MFSD11: variants seen among roughly 807,000 people sequenced by gnomAD.
MFSD11 encodes major facilitator superfamily domain containing 11.
MFSD11 carries 36 observed loss-of-function variants against 53.5 expected under a neutral mutation model. The ratio of observed to expected loss-of-function variants is 0.67; its 90% CI spans 0.52 to 0.89. The LOEUF (loss-of-function observed/expected upper bound fraction) is 0.89, where lower values mean the gene tolerates loss of function less well. Ranked by LOEUF, MFSD11 falls within the 40% of genes least tolerant of loss-of-function variation. MFSD11 has a pLI of 0.00. For missense variants in MFSD11, 530 were observed against 543.9 expected (o/e 0.97, Z 0.25); for synonymous variants, 186 against 184.9 (o/e 1.01, Z -0.05).
At position 76,776,561 on chromosome 17, in the gene MFSD11, A is replaced by T. The variant is rs745311134; in HGVS notation, c.1185+20A>T. 15 of 1,611,896 alleles carry T rather than the reference A, an allele frequency of 9.3e-6. No homozygotes were observed. The highest frequency in any genetic ancestry group is 2.7e-5 in the African/African-American group (2 of 74,758). On this transcript the variant is annotated intron_variant, in intron 12 of 12. Transcript: ENST00000685175. The surrounding 1 kb of genome is among the most constrained non-coding windows in gnomAD (Gnocchi z 4.2). ...GTTCAGGTAACCTCTTCAGATTGTGATTGTGTTTGACATAGGGCTCTTCCC... is the reference window on the plus strand; with the variant it reads ...GTTCAGGTAACCTCTTCAGATTGTGTTTGTGTTTGACATAGGGCTCTTCCC...
At chr17:76,773,111 T>C (rs1034943503) in intron 10 of MFSD11, 1 of 152,286 alleles carries the variant, frequency 6.6e-6, no homozygotes, top group Non-Finnish European at 1.5e-5. Flanking sequence ...TATGTACTGA[T>C]CAGTCCTCAG....
chr17:76,769,945 T>C, intron 10 of MFSD11, 74 bp downstream of exon 10: 1 of 1,370,770 alleles, frequency 7.3e-7, no homozygotes, highest in African/African-American at 1.5e-5. Flanking sequence ...TTAAGTGTGC[T>C]TCACCTTTGT....
chr17:76,801,106 C>T, the MFSD11 span, among the ~76,000 whole-genome samples: 1 of 150,910 alleles, frequency 6.6e-6, no homozygotes, highest in Non-Finnish European at 1.5e-5. Flanking sequence ...AGAATGGCTA[C>T]TCCAGCCGGG....
the MFSD11 span, among the ~76,000 whole-genome samples, chr17:76,790,812 C>A: frequency 0.037 from 5,109 of 139,188 alleles, 661 homozygotes; most frequent in African/African-American, 0.15. Context: ...TGGTGGCACA[C>A]ACCTTGTAGT....
At chr17:76,793,115 C>T in the MFSD11 span, among the ~76,000 whole-genome samples, 1 of 151,342 alleles carries the variant, frequency 6.6e-6, no homozygotes, top group Non-Finnish European at 1.5e-5. Flanking sequence ...GTTTCGGGCA[C>T]GCATTGTCAT....
chr17:76,769,123 GT>G (rs1353824181), intron 9 of MFSD11: 3 of 152,252 alleles, frequency 2.0e-5, no homozygotes, highest in Non-Finnish European at 2.9e-5. Flanking sequence ...AGAGTGATAG[GT>G]TTTAACATAA....
At chr17:76,743,570 A>G (rs1480548269) in intron 6 of MFSD11, 114 bp downstream of exon 6, 1 of 566,142 alleles carries the variant, frequency 1.8e-6, no homozygotes. Context: ...CCGACACCTC[A>G]AGTTCTCGCA....
downstream of MFSD11, among the ~76,000 whole-genome samples, chr17:76,784,792 AGGAG>A: frequency 6.6e-6 from 1 of 152,046 alleles, no homozygotes; most frequent in Non-Finnish European, 1.5e-5. Context: ...CTAGCTAATC[AGGAG>A]GCTAACGCAG....
At chr17:76,742,687 G>A (rs2078207156) in intron 5 of MFSD11, among the ~76,000 whole-genome samples, 1 of 152,020 alleles carries the variant, frequency 6.6e-6, no homozygotes, top group Non-Finnish European at 1.5e-5. Context: ...TGTATTTTTA[G>A]TAGAGACGGA....
chr17:76,770,376 T>C (rs2081288792), intron 10 of MFSD11, among the ~76,000 whole-genome samples: 1 of 152,126 alleles, frequency 6.6e-6, no homozygotes, highest in Non-Finnish European at 1.5e-5. Context: ...TATAAAACAT[T>C]TGCAAAATAA....
intron 8 of MFSD11, among the ~76,000 whole-genome samples, chr17:76,755,702 A>ATATATATGTGTATATATATGTGTATATG (rs2144503026): frequency 1.4e-5 from 2 of 143,234 alleles, no homozygotes; most frequent in Non-Finnish European, 3.0e-5. Flanking sequence ...TTTTTTACAT[A>ATATATATGTGTATATATATGTGTATATG]TATATATGTG....
chr17:76,769,929 G>T, intron 10 of MFSD11, 58 bp downstream of exon 10: 2 of 1,479,104 alleles, frequency 1.4e-6, no homozygotes, highest in Non-Finnish European at 9.2e-7. Flanking sequence ...AGGTAAAATA[G>T]AAATTTTAAG....
chr17:76,758,019 A>AT (rs1354749489), intron 8 of MFSD11, among the ~76,000 whole-genome samples: 2 of 152,118 alleles, frequency 1.3e-5, no homozygotes, highest in Non-Finnish European at 2.9e-5. Context: ...CAAAAAAAAA[A>AT]CAAAAAATGT....
intron 2 of MFSD11, 65 bp from the exon 3 acceptor site, chr17:76,740,892 T>C (rs1025466604): frequency 1.1e-6 from 1 of 881,794 alleles, no homozygotes; most frequent in Admixed American, 2.2e-5. Flanking sequence ...TTTTAAACAG[T>C]GACACAGCAT....
chr17:76,764,937 T>G (rs962898403), intron 8 of MFSD11, among the ~76,000 whole-genome samples: 2 of 152,182 alleles, frequency 1.3e-5, no homozygotes, highest in African/African-American at 4.8e-5. Flanking sequence ...CTTGTTACCT[T>G]TTGTCTTTTT....
intron 8 of MFSD11, among the ~76,000 whole-genome samples, chr17:76,758,581 C>CAAAA (rs56750819): frequency 6.9e-5 from 4 of 57,976 alleles, no homozygotes; most frequent in African/African-American, 2.4e-4. Context: ...GACCAGGTCT[C>CAAAA]AAAAAAAAAA....
chr17:76,744,024 G>A (rs905512881), intron 6 of MFSD11, among the ~76,000 whole-genome samples: 4 of 152,182 alleles, frequency 2.6e-5, no homozygotes, highest in Non-Finnish European at 4.4e-5. Context: ...TACTGCGCAC[G>A]AGTATGTGGT....
chr17:76,764,269 T>G (rs1425926392), intron 8 of MFSD11, among the ~76,000 whole-genome samples: 2 of 152,186 alleles, frequency 1.3e-5, no homozygotes, highest in Non-Finnish European at 1.5e-5. Flanking sequence ...TGAGAACATT[T>G]AAGATCTACT....
intron 10 of MFSD11, among the ~76,000 whole-genome samples, chr17:76,771,003 G>A (rs180907009): frequency 2.0e-5 from 3 of 152,316 alleles, no homozygotes; most frequent in East Asian, 1.9e-4. Context: ...CCAGGAGTTC[G>A]AGATCAGCCT....
Sources: allele counts gnomAD v4.1 joint callset (sites outside exome capture counted in the v4.1 genomes callset), GRCh38; gene constraint gnomAD v4.1.1; non-coding constraint Gnocchi (gnomAD v3.1); transcripts MANE v1.5; gene names NCBI Gene and HGNC (gene_info 2026-07-23, HGNC 2026-07-21).